CSMD1: variants seen among roughly 807,000 people sequenced by gnomAD.
CSMD1 encodes the protein CUB and Sushi multiple domains 1, also known as CUB and sushi domain-containing protein 1.
In CSMD1, 213 loss-of-function variants were observed where a neutral mutation model predicts 417.5. The observed-to-expected ratio is 0.51, with a 90% CI of 0.46 to 0.57. The LOEUF (loss-of-function observed/expected upper bound fraction) is 0.57. Among genes scored for constraint, CSMD1 ranks in the 20% least tolerant of loss-of-function variants. CSMD1 has a pLI of 0.00. For missense variants in CSMD1, 6,923 were observed against 4,529.7 expected, an observed-to-expected ratio of 1.53 and a Z score of -15.17; for synonymous variants, 2,862 against 1,736.8, an observed-to-expected ratio of 1.65 and a Z score of -16.11.
intron 7 of CSMD1, among the ~76,000 whole-genome samples, chr8:3,628,341 C>T (rs988625189): frequency 7.9e-5 from 12 of 152,292 alleles, no homozygotes; most frequent in African/African-American, 1.7e-4. Context: ...CTGCCCACAC[C>T]GGCCGAGGGT....
At chr8:3,728,194 G>C (rs1362004218) in intron 6 of CSMD1, among the ~76,000 whole-genome samples, 1 of 152,162 alleles carries the variant, frequency 6.6e-6, no homozygotes, top group Non-Finnish European at 1.5e-5. Context: ...TCATGGTAGT[G>C]AATAAGTCTC....
chr8:3,373,760 C>G (rs1425144477), intron 18 of CSMD1: 1 of 152,138 alleles, frequency 6.6e-6, no homozygotes, highest in Non-Finnish European at 1.5e-5. Context: ...TTTACTGTTG[C>G]TGTCCTTAAT....
At chr8:3,686,503 C>T (rs1799952319) in intron 7 of CSMD1, among the ~76,000 whole-genome samples, 3 of 152,100 alleles carry the variant, frequency 2.0e-5, no homozygotes. Flanking sequence ...AAAAAAAAGC[C>T]AGTTACAAGA....
chr8:4,587,494 T>G (rs1484771738), intron 2 of CSMD1, among the ~76,000 whole-genome samples: 1 of 151,820 alleles, frequency 6.6e-6, no homozygotes. Flanking sequence ...TACATATATG[T>G]ATATATATAT....
intron 26 of CSMD1, among the ~76,000 whole-genome samples, chr8:3,248,906 G>C (rs1478775610): frequency 6.6e-6 from 1 of 152,032 alleles, no homozygotes. Flanking sequence ...GATAAATGCT[G>C]TTTAGAGGCT....
At chr8:4,797,189 C>T (rs527283584) in intron 1 of CSMD1, among the ~76,000 whole-genome samples, 15 of 152,286 alleles carry the variant, frequency 9.8e-5, no homozygotes, top group Admixed American at 2.6e-4. Flanking sequence ...AGGCAGCTGA[C>T]TGAAGCCCAC....
At chr8:3,275,583 A>C (rs893303538) in intron 26 of CSMD1, among the ~76,000 whole-genome samples, 2 of 152,064 alleles carry the variant, frequency 1.3e-5, no homozygotes, top group African/African-American at 2.4e-5. Context: ...ACGTAGATTC[A>C]GTCTTTTCAC....
intron 3 of CSMD1, among the ~76,000 whole-genome samples, chr8:4,041,483 G>C (rs556895127): frequency 6.6e-6 from 1 of 152,114 alleles, no homozygotes; most frequent in Non-Finnish European, 1.5e-5. Flanking sequence ...GGATCAAACT[G>C]TTCCACAAAT....
At chr8:3,359,530 G>T (rs1809017409) in intron 20 of CSMD1, among the ~76,000 whole-genome samples, 190 bp from the exon 21 acceptor site, 1 of 149,562 alleles carries the variant, frequency 6.7e-6, no homozygotes, top group Non-Finnish European at 1.5e-5. Flanking sequence ...CAAATGACAT[G>T]GGATTTAGTA....
intron 1 of CSMD1, among the ~76,000 whole-genome samples, chr8:4,755,491 C>G (rs1360968083): frequency 6.6e-6 from 1 of 152,122 alleles, no homozygotes; most frequent in East Asian, 1.9e-4. Context: ...TTATTTTTGG[C>G]ATAACGTTAA....
At chr8:3,091,166 A>AT (rs1465030264) in intron 48 of CSMD1, among the ~76,000 whole-genome samples, 2 of 152,078 alleles carry the variant, frequency 1.3e-5, no homozygotes, top group African/African-American at 4.8e-5. Context: ...TATGCAATTA[A>AT]TAGAAATACA....
At chr8:4,377,310 G>A (rs1183766947) in intron 3 of CSMD1, among the ~76,000 whole-genome samples, 1 of 152,160 alleles carries the variant, frequency 6.6e-6, no homozygotes, top group African/African-American at 2.4e-5. Flanking sequence ...AGTCACCACA[G>A]CCCAAAACCT....
chr8:2,971,170 C>G (rs1804423254), intron 57 of CSMD1, among the ~76,000 whole-genome samples: 1 of 151,954 alleles, frequency 6.6e-6, no homozygotes, highest in Non-Finnish European at 1.5e-5. Flanking sequence ...TCATACACAC[C>G]CATAATCTAA....
intron 3 of CSMD1, among the ~76,000 whole-genome samples, chr8:4,230,610 G>A (rs1422196260): frequency 1.3e-5 from 2 of 152,050 alleles, no homozygotes; most frequent in East Asian, 1.9e-4. Context: ...TATGTATCAA[G>A]ATGTTTTTAA....
chr8:4,802,192 G>C (rs188159760), intron 1 of CSMD1, among the ~76,000 whole-genome samples: 1 of 152,294 alleles, frequency 6.6e-6, no homozygotes, highest in East Asian at 1.9e-4. Context: ...GCTATCTATA[G>C]GATGCTCATT....
At chr8:3,351,362 G>A (rs1181247583) in intron 21 of CSMD1, among the ~76,000 whole-genome samples, 1 of 151,990 alleles carries the variant, frequency 6.6e-6, no homozygotes, top group African/African-American at 2.4e-5. Flanking sequence ...TGTAATCCCA[G>A]CACTTTCGGA....
At chr8:3,680,020 GGACA>G (rs1799570428) in intron 7 of CSMD1, among the ~76,000 whole-genome samples, 1 of 151,790 alleles carries the variant, frequency 6.6e-6, no homozygotes, top group African/African-American at 2.4e-5. Flanking sequence ...AGAATCTCTG[GGACA>G]CATTTAAAGC....
intron 2 of CSMD1, among the ~76,000 whole-genome samples, chr8:4,633,410 C>G (rs13259614): frequency 6.6e-6 from 1 of 151,760 alleles, no homozygotes; most frequent in East Asian, 1.9e-4. Context: ...CCACGCCCAG[C>G]TAATTTTTTT....
chr8:4,711,089 C>A (rs1292143256), intron 1 of CSMD1, among the ~76,000 whole-genome samples: 1 of 150,942 alleles, frequency 6.6e-6, no homozygotes, highest in Admixed American at 6.6e-5. Flanking sequence ...AGAAAACAGT[C>A]TTATGTAAAT....
Sources: gnomAD v4.1 joint callset for allele counts (sites outside exome capture counted in the v4.1 genomes callset) on GRCh38, gnomAD v4.1.1 for gene constraint, MANE v1.5 for transcripts, NCBI Gene and HGNC (gene_info 2026-07-23, HGNC 2026-07-21) for gene names.